SLC26A8: variants seen among roughly 807,000 people sequenced by gnomAD.
The protein encoded by SLC26A8 is testis anion transporter 1.
SLC26A8 carries 70 observed loss-of-function variants against 105.0 expected under a neutral mutation model. The ratio of observed to expected loss-of-function variants is 0.67; its 90% CI spans 0.55 to 0.81. The LOEUF is 0.81. Among genes scored for constraint, SLC26A8 ranks in the 40% least tolerant of loss-of-function variants. The probability of loss-of-function intolerance (pLI) is 0.00; values close to 1 mark genes in which losing one functional copy is unlikely to be tolerated. For synonymous variants in SLC26A8, 415 were observed against 438.3 expected, an observed-to-expected ratio of 0.95 and a Z score of 0.66; for missense variants, 998 against 1,181.8, an observed-to-expected ratio of 0.84 and a Z score of 2.28.
chr6:36,004,182 C>T (rs139418990), intron 3 of SLC26A8, among the ~76,000 whole-genome samples: 99 of 149,420 alleles, frequency 6.6e-4, no homozygotes, highest in African/African-American at 2.1e-3. Context: ...CTCAGGGAAT[C>T]GTCCCACTTC....
chr6:36,006,397 G>GTTAT (rs1480173157), intron 3 of SLC26A8, among the ~76,000 whole-genome samples: 2 of 152,140 alleles, frequency 1.3e-5, no homozygotes, highest in East Asian at 3.8e-4. Flanking sequence ...TGGGATTACA[G>GTTAT]GTGTGAGCTA....
In SLC26A8 at chr6:35,963,493, G is replaced by A. The variant is rs117081311; in HGVS notation, c.1366-872C>T. Among the ~76,000 whole-genome samples, 88 of 152,250 alleles carry A rather than the reference G, an allele frequency of 5.8e-4. No homozygotes were observed. The East Asian group carries it at 0.016, about 28-fold the overall frequency. On this transcript the variant is annotated intron_variant, in intron 11 of 19. Coordinates refer to ENST00000490799, the MANE Select transcript of SLC26A8 (RefSeq NM_052961.4). ...CTGAGGCGCCTCACTGCATCCTTTC[G>A]CAGTGTTCTTCCCTTCTAATAAACT...
At chr6:36,001,128 T>G (rs574336023) in intron 3 of SLC26A8, among the ~76,000 whole-genome samples, 1 of 152,168 alleles carries the variant, frequency 6.6e-6, no homozygotes, top group South Asian at 2.1e-4. Flanking sequence ...CCAGTTGGTA[T>G]TCTTTTTCTT....
chr6:35,987,999 C>T (rs1180021816), intron 7 of SLC26A8, among the ~76,000 whole-genome samples: 3 of 151,518 alleles, frequency 2.0e-5, no homozygotes, highest in Non-Finnish European at 4.4e-5. Context: ...GCGACCTCCG[C>T]CTCCCGGGTT....
Position 35,967,968 on chromosome 6 carries a change from C to T in SLC26A8, c.1365+909G>A, listed in dbSNP as rs565420856. On this transcript the variant is annotated intron_variant, in intron 11 of 19. Coordinates refer to ENST00000490799, the MANE Select transcript of SLC26A8 (RefSeq NM_052961.4). ...GTTCAAGCGATTCTCCTGCCTCAGC[C>T]TCCAGAATGGCTGGGATTACAGGCA... Among the ~76,000 whole-genome samples, 97 of 152,218 alleles carry T rather than the reference C, an allele frequency of 6.4e-4. 1 individual carries two copies. The highest frequency in any genetic ancestry group is 1.0e-3 in the Admixed American group (16 of 15,284).
At chr6:36,010,325 C>T (rs1761817577) in intron 3 of SLC26A8, among the ~76,000 whole-genome samples, 1 of 152,062 alleles carries the variant, frequency 6.6e-6, no homozygotes, top group Non-Finnish European at 1.5e-5. Flanking sequence ...ATGAAAGAAG[C>T]CAGCCTTTGA....
chr6:36,023,119 A>G (rs1380646706), intron 1 of SLC26A8, among the ~76,000 whole-genome samples: 1 of 151,766 alleles, frequency 6.6e-6, no homozygotes, highest in Non-Finnish European at 1.5e-5. Context: ...CTGTTAAAAT[A>G]CAAGCACTTT....
chr6:35,978,840 T>G (rs1773151342), intron 8 of SLC26A8, among the ~76,000 whole-genome samples: 1 of 140,072 alleles, frequency 7.1e-6, no homozygotes, highest in African/African-American at 2.5e-5. Flanking sequence ...TTCTTCTTCT[T>G]CTTCTTTTTT....
chr6:36,005,873 C>A (rs893731338), intron 3 of SLC26A8, among the ~76,000 whole-genome samples: 2 of 152,128 alleles, frequency 1.3e-5, no homozygotes, highest in African/African-American at 4.8e-5. Context: ...GTATTTTCTT[C>A]TTTAATTCTA....
intron 10 of SLC26A8, among the ~76,000 whole-genome samples, chr6:35,971,028 AAACAACAACAACAAC>A (rs368306720): frequency 6.6e-6 from 1 of 151,678 alleles, no homozygotes; most frequent in African/African-American, 2.4e-5. Flanking sequence ...CTCCATCTCA[AAACAACAACAACAAC>A]AACAACAACA....
chr6:35,959,412 G>T, intron 16 of SLC26A8, 48 bp downstream of exon 16: 2 of 1,558,114 alleles, frequency 1.3e-6, no homozygotes, highest in South Asian at 1.2e-5. Flanking sequence ...TAGTGTACTT[G>T]TTTATAAAAT....
At chr6:35,988,156 C>T (rs962008801) in intron 7 of SLC26A8, among the ~76,000 whole-genome samples, 3 of 151,990 alleles carry the variant, frequency 2.0e-5, no homozygotes, top group Non-Finnish European at 2.9e-5. Flanking sequence ...GGTGGTCGGC[C>T]CACCTCGGCC....
intron 19 of SLC26A8, among the ~76,000 whole-genome samples, chr6:35,950,092 C>T (rs893303580): frequency 6.6e-6 from 1 of 152,184 alleles, no homozygotes; most frequent in Admixed American, 6.5e-5. Flanking sequence ...CCATCTCGCC[C>T]GCCCGTTGTA....
intron 10 of SLC26A8, among the ~76,000 whole-genome samples, chr6:35,972,361 G>A (rs996506268): frequency 1.3e-5 from 2 of 150,484 alleles, no homozygotes; most frequent in African/African-American, 2.5e-5. Flanking sequence ...TTGAGGCCTG[G>A]AGTTTGGACA....
Position 35,959,766 on chromosome 6 carries a change from C to T in SLC26A8, c.1679G>A (p.Ser560Asn). 2.5e-6 allele frequency: 4 copies of T among 1,609,428 alleles called. No individual in the cohort carries two copies. Among genetic ancestry groups the T allele is most frequent in the Non-Finnish European group, 2.5e-6 (3 of 1,179,032 alleles). ...IPGVKIFQCC[S>N]SITFVNVYYL... ...GTAAACATTTACAAATGTAATTGAGCTGCAGCACTGGAAGATTTTCACCCC... is the reference window on the plus strand; with the variant it reads ...GTAAACATTTACAAATGTAATTGAGTTGCAGCACTGGAAGATTTTCACCCC... The change falls in exon 15 of 20, where the codon AGC (serine) becomes AAC (asparagine). Residue 560 changes from serine to asparagine, a missense_variant. Transcript: ENST00000490799.
At chr6:35,964,420 G>T (rs1213683940) in intron 11 of SLC26A8, among the ~76,000 whole-genome samples, 1 of 152,096 alleles carries the variant, frequency 6.6e-6, no homozygotes, top group Non-Finnish European at 1.5e-5. Context: ...GCTGAGGCAG[G>T]CGAATCTCTT....
chr6:36,010,059 TAAAC>T (rs1170109368), intron 3 of SLC26A8, among the ~76,000 whole-genome samples: 3 of 152,162 alleles, frequency 2.0e-5, no homozygotes, highest in Non-Finnish European at 4.4e-5. Flanking sequence ...CTTATAAAGT[TAAAC>T]ATACACGTAC....
intron 7 of SLC26A8, among the ~76,000 whole-genome samples, chr6:35,983,708 C>T (rs527272631): frequency 1.2e-4 from 19 of 152,146 alleles, no homozygotes; most frequent in Non-Finnish European, 2.6e-4. Context: ...TGTGCCACCA[C>T]ATCTGGCTAA....
intron 5 of SLC26A8, among the ~76,000 whole-genome samples, chr6:35,993,888 A>T (rs1761263486): frequency 6.6e-6 from 1 of 151,976 alleles, no homozygotes; most frequent in African/African-American, 2.4e-5. Context: ...AAACAAAAAG[A>T]GGGTAGGTTA....
Sources: allele counts gnomAD v4.1 joint callset (sites outside exome capture counted in the v4.1 genomes callset), GRCh38; gene constraint gnomAD v4.1.1; transcripts MANE v1.5; gene names NCBI Gene and HGNC (gene_info 2026-07-23, HGNC 2026-07-21).